Variants in SDHAF3 observed in about 807,000 individuals in gnomAD.
SDHAF3 encodes the protein succinate dehydrogenase complex assembly factor 3.
SDHAF3 carries 18 observed loss-of-function variants against 11.5 expected under a neutral mutation model. The ratio of observed to expected loss-of-function variants is 1.56; its 90% CI spans 1.08 to 2.32. The LOEUF (loss-of-function observed/expected upper bound fraction) is 2.32. Ranked by LOEUF, SDHAF3 falls within the 30% of genes most tolerant of loss-of-function variation. The pLI, the probability that SDHAF3 is intolerant of heterozygous loss-of-function variation, is 0.00. For missense variants in SDHAF3, 200 were observed against 154.4 expected, an observed-to-expected ratio of 1.30 and a Z score of -1.57; for synonymous variants, 72 against 59.3, an observed-to-expected ratio of 1.21 and a Z score of -0.99.
In SDHAF3 at chr7:97,143,276, AG is replaced by A. The variant is rs1275960211; in HGVS notation, c.174+25380del. Reference sequence around the variant, plus strand: ...TCAAATATTAGAGACTGCTAGGGTAAGCTAATACCCTAGTCTGATACATTAA... The same window carrying A: ...TCAAATATTAGAGACTGCTAGGGTAACTAATACCCTAGTCTGATACATTAA... On this transcript the variant is annotated intron_variant, in intron 1 of 1. Transcript: ENST00000432641. Among the ~76,000 whole-genome samples, 23 of 152,266 alleles carry A rather than the reference AG, an allele frequency of 1.5e-4. No homozygotes were observed. The East Asian group carries it at 4.4e-3, about 29-fold the overall frequency.
intron 1 of SDHAF3, among the ~76,000 whole-genome samples, chr7:97,147,966 G>A (rs778771758): frequency 6.6e-6 from 1 of 151,942 alleles, no homozygotes; most frequent in African/African-American, 2.4e-5. Context: ...CCAGGCTGCA[G>A]TGCAGGCTCA....
chr7:97,131,278 T>C (rs1791668825), intron 1 of SDHAF3, among the ~76,000 whole-genome samples: 1 of 152,264 alleles, frequency 6.6e-6, no homozygotes, highest in African/African-American at 2.4e-5. Context: ...AGGGAAAAGA[T>C]ATCTTCTTAA....
rs1336163160 is a variant in SDHAF3, at chr7:97,131,497, G to GT, written c.174+13604dup. Among the ~76,000 whole-genome samples, 5 of 152,262 alleles carry GT rather than the reference G, an allele frequency of 3.3e-5. No individual in the cohort carries two copies. The East Asian group carries it at 9.6e-4, about 29-fold the overall frequency. ...TTTTTAAATAATCAGGCACATATTT[G>GT]TTTTGTGTGTGATTTTTTGAAAGGT... On this transcript the variant is annotated intron_variant, in intron 1 of 1. Transcript: ENST00000432641.
chr7:97,144,806 A>G (rs1215522089), intron 1 of SDHAF3, among the ~76,000 whole-genome samples: 1 of 152,102 alleles, frequency 6.6e-6, no homozygotes, highest in African/African-American at 2.4e-5. Context: ...TTGGTTTCAT[A>G]TGGATTTTAG....
At position 97,175,232 on chromosome 7, in the gene SDHAF3, A is replaced by G. The variant is rs1458994210; in HGVS notation, c.175-5780A>G. Among the ~76,000 whole-genome samples, 7 of 152,220 alleles carry G rather than the reference A, an allele frequency of 4.6e-5. No homozygotes were observed. In the South Asian group the frequency reaches 6.2e-4, roughly 13 times the overall value. ...AAATTGAAGTAATTTAAGATAATTT[A>G]TAATTTGATTGTTTTCTTAATGTTA... On this transcript the variant is annotated intron_variant, in intron 1 of 1. Transcript: ENST00000432641.
At chr7:97,118,822 C>T (rs1013414681) in intron 1 of SDHAF3, among the ~76,000 whole-genome samples, 1 of 152,082 alleles carries the variant, frequency 6.6e-6, no homozygotes, top group South Asian at 2.1e-4. Flanking sequence ...TGAACACAAA[C>T]TTTGCACTGA....
intron 1 of SDHAF3, among the ~76,000 whole-genome samples, chr7:97,175,810 T>G (rs1789670603): frequency 6.6e-6 from 1 of 152,166 alleles, no homozygotes; most frequent in South Asian, 2.1e-4. Context: ...ACTTTAAGAC[T>G]GTGTTTCTGT....
chr7:97,140,859 A>C (rs1657518097), intron 1 of SDHAF3, among the ~76,000 whole-genome samples: 1 of 152,256 alleles, frequency 6.6e-6, no homozygotes, highest in South Asian at 2.1e-4. Flanking sequence ...AGAACAGGAT[A>C]ACAGCAATGT....
At chr7:97,129,513 G>A (rs1339020436) in intron 1 of SDHAF3, among the ~76,000 whole-genome samples, 1 of 152,134 alleles carries the variant, frequency 6.6e-6, no homozygotes, top group African/African-American at 2.4e-5. Flanking sequence ...TGCTAGTTTA[G>A]TCTGGCTTTG....
chr7:97,172,078 G>A (rs1382102473), intron 1 of SDHAF3, among the ~76,000 whole-genome samples: 5 of 151,942 alleles, frequency 3.3e-5, no homozygotes, highest in African/African-American at 9.7e-5. Context: ...ACAGTACAGG[G>A]TTGAGGTGTT....
At chr7:97,177,065 T>C (rs150630384) in intron 1 of SDHAF3, among the ~76,000 whole-genome samples, 2,167 of 152,252 alleles carry the variant, frequency 0.014, 33 homozygotes, top group Non-Finnish European at 0.022. Flanking sequence ...TTTTAAACTT[T>C]TAAAAAAGAT....
chr7:97,127,817 C>G (rs1214463200), intron 1 of SDHAF3, among the ~76,000 whole-genome samples: 1 of 150,126 alleles, frequency 6.7e-6, no homozygotes, highest in Non-Finnish European at 1.5e-5. Flanking sequence ...ATTGTTAATT[C>G]TGCATTTTAC....
At chr7:97,161,782 T>A (rs927302492) in intron 1 of SDHAF3, among the ~76,000 whole-genome samples, 3 of 152,256 alleles carry the variant, frequency 2.0e-5, no homozygotes, top group Admixed American at 6.5e-5. Flanking sequence ...TTTTTATGGA[T>A]GCATAGTATT....
At chr7:97,171,863 AAT>A (rs1789605205) in intron 1 of SDHAF3, among the ~76,000 whole-genome samples, 1 of 152,142 alleles carries the variant, frequency 6.6e-6, no homozygotes, top group Non-Finnish European at 1.5e-5. Flanking sequence ...TAAACAAAAT[AAT>A]GAGAACTTAG....
At chr7:97,160,602 C>G (rs996079084) in intron 1 of SDHAF3, among the ~76,000 whole-genome samples, 2 of 152,118 alleles carry the variant, frequency 1.3e-5, no homozygotes, top group African/African-American at 4.8e-5. Context: ...CAACCTTACC[C>G]CCCGACCCCC....
intron 1 of SDHAF3, among the ~76,000 whole-genome samples, chr7:97,170,151 A>C (rs1307422394): frequency 1.3e-5 from 2 of 152,006 alleles, no homozygotes; most frequent in Non-Finnish European, 2.9e-5. Context: ...TGCATAGTGA[A>C]CCACACATAT....
chr7:97,154,763 C>T (rs1789277343), intron 1 of SDHAF3, among the ~76,000 whole-genome samples: 1 of 152,010 alleles, frequency 6.6e-6, no homozygotes, highest in African/African-American at 2.4e-5. Flanking sequence ...TTTTTGATAA[C>T]TTTATGTTTT....
At chr7:97,122,923 T>C (rs887632693) in intron 1 of SDHAF3, among the ~76,000 whole-genome samples, 7 of 152,272 alleles carry the variant, frequency 4.6e-5, no homozygotes, top group African/African-American at 1.4e-4. Flanking sequence ...TTTTCTTTTT[T>C]TTTTTTCCAT....
At chr7:97,149,499 T>C (rs1789185220) in intron 1 of SDHAF3, among the ~76,000 whole-genome samples, 1 of 152,224 alleles carries the variant, frequency 6.6e-6, no homozygotes, top group African/African-American at 2.4e-5. Context: ...ACCTTGGAGA[T>C]ATTGTGATAA....
Sources: allele counts gnomAD v4.1 joint callset (sites outside exome capture counted in the v4.1 genomes callset), GRCh38; gene constraint gnomAD v4.1.1; transcripts MANE v1.5; gene names NCBI Gene and HGNC (gene_info 2026-07-23, HGNC 2026-07-21).